The following SAP30BP variants were observed in gnomAD, a reference collection of about 807,000 sequenced individuals.
The protein encoded by SAP30BP is SAP30 binding protein, also known as SAP30-binding protein.
In SAP30BP, 31 loss-of-function variants were observed where a neutral mutation model predicts 46.3. That is an observed-to-expected ratio of 0.67 (90% confidence interval 0.50 to 0.90). The LOEUF (loss-of-function observed/expected upper bound fraction) is 0.90, where lower values mean the gene tolerates loss of function less well. Ranked by LOEUF, SAP30BP falls within the 40% of genes least tolerant of loss-of-function variation. SAP30BP has a pLI of 0.00. For synonymous variants in SAP30BP, 169 were observed against 144.2 expected (o/e 1.17, Z -1.23); for missense variants, 312 against 391.0 (o/e 0.80, Z 1.70).
intron 3 of SAP30BP, chr17:75,679,954 C>G (rs768446455): frequency 2.0e-5 from 3 of 152,238 alleles, no homozygotes; most frequent in Non-Finnish European, 4.4e-5. Context: ...CTCGTTTGCT[C>G]TGGACGGTTT....
chr17:75,682,054 G>C (rs2060084023), intron 3 of SAP30BP, among the ~76,000 whole-genome samples: 1 of 151,646 alleles, frequency 6.6e-6, no homozygotes, highest in Non-Finnish European at 1.5e-5. Context: ...AATGGACAGA[G>C]TTATTTTTTT....
intron 3 of SAP30BP, chr17:75,684,573 GC>G (rs1163536017): frequency 6.6e-6 from 1 of 152,236 alleles, no homozygotes; most frequent in Admixed American, 6.5e-5. Context: ...GAATGCCCAA[GC>G]CTACGTAGCA....
intron 7 of SAP30BP, 156 bp from the exon 8 acceptor site, chr17:75,703,652 A>G: frequency 1.4e-6 from 1 of 726,768 alleles, no homozygotes; most frequent in Non-Finnish European, 2.4e-6. Context: ...CATGTTCTTC[A>G]GCACTTGCCA....
intron 3 of SAP30BP, among the ~76,000 whole-genome samples, chr17:75,688,928 A>G (rs565319894): frequency 3.0e-4 from 45 of 152,084 alleles, no homozygotes; most frequent in African/African-American, 9.9e-4. Context: ...TGAGATCACT[A>G]TTCTTCTCCA....
chr17:75,707,411 G>A lies in SAP30BP; in HGVS notation c.*890G>A, dbSNP rs950228484. The A allele has an allele frequency of 2.6e-5, 4 of 152,672 alleles. No homozygotes were observed. The highest frequency in any genetic ancestry group is 9.7e-5 in the African/African-American group (4 of 41,444). 9.5% of individuals were successfully genotyped at this position (152,672 alleles called of 1,614,324 possible). ...CACCAGTGGCCACTGGGCTCCCCCC[G>A]GGGTTGAAACGGGTTTCCCAGACCA... On this transcript the variant is annotated 3_prime_UTR_variant, in exon 11 of 11. Coordinates refer to ENST00000584667, the MANE Select transcript of SAP30BP (RefSeq NM_013260.8).
At chr17:75,693,783 A>T (rs1305097124) in intron 4 of SAP30BP, among the ~76,000 whole-genome samples, 1 of 152,092 alleles carries the variant, frequency 6.6e-6, no homozygotes, top group East Asian at 1.9e-4. Flanking sequence ...TGCTTCCCCT[A>T]GTGCCCTGGG....
Position 75,677,606 on chromosome 17 carries a change from A to ATT in SAP30BP, c.264+5761_264+5762dup, listed in dbSNP as rs36026460. Among the ~76,000 whole-genome samples the ATT allele has an allele frequency of 9.4e-4, 103 of 109,682 alleles. 2 individuals carry two copies. Among genetic ancestry groups the ATT allele is most frequent in the Admixed American group, 1.8e-3 (19 of 10,742 alleles). The allele number at this position is 109,682 out of a possible 152,430, so 72.0% of individuals were successfully genotyped here. Reference sequence around the variant, plus strand: ...ACCACCGTGCCTGACTAATTTTTGTATTTTTTTTTTTTTTTTTTTGGTAGA... The same window carrying ATT: ...ACCACCGTGCCTGACTAATTTTTGTATTTTTTTTTTTTTTTTTTTTTGGTAGA... On this transcript the variant is annotated intron_variant, in intron 3 of 10. Transcript: ENST00000584667.
At chr17:75,693,398 G>GAGC (rs1568315539) in intron 3 of SAP30BP, 42 bp from the exon 4 acceptor site, 2 of 1,577,868 alleles carry the variant, frequency 1.3e-6, no homozygotes, top group Non-Finnish European at 1.7e-6. Context: ...GCTGGTTCAG[G>GAGC]AGCCCCAGTC....
Position 75,706,275 on chromosome 17 carries a change from G to T in SAP30BP, c.746-65G>T. ...CTCCCTAGACTCCCGCTGGCCTGCA[G>T]GGGGAAGGGAAAGAGGGCACCGCTC... On this transcript the variant is annotated intron_variant, in intron 10 of 10. Transcript: ENST00000584667. The surrounding 1 kb of genome is among the most constrained non-coding windows in gnomAD (Gnocchi z 4.6). The T allele has an allele frequency of 6.4e-7, 1 of 1,567,470 alleles. No homozygotes were observed. Among genetic ancestry groups the T allele is most frequent in the Non-Finnish European group, 8.7e-7 (1 of 1,150,386 alleles).
chr17:75,704,597 T>C, intron 8 of SAP30BP, 159 bp from the exon 9 acceptor site: 3 of 660,336 alleles, frequency 4.5e-6, no homozygotes, highest in Non-Finnish European at 8.2e-6. Flanking sequence ...GCCCCTGCCC[T>C]ATGCCGACCA....
chr17:75,669,174 C>T (rs966845209), intron 2 of SAP30BP, among the ~76,000 whole-genome samples: 3 of 151,720 alleles, frequency 2.0e-5, no homozygotes, highest in African/African-American at 7.3e-5. Context: ...AACTCCTGGG[C>T]GCAAGTGATC....
intron 3 of SAP30BP, among the ~76,000 whole-genome samples, chr17:75,690,369 G>A (rs2060223804): frequency 6.6e-6 from 1 of 152,158 alleles, no homozygotes; most frequent in Non-Finnish European, 1.5e-5. Flanking sequence ...TTCAGTGGAT[G>A]GTTGTGTGTA....
intron 3 of SAP30BP, among the ~76,000 whole-genome samples, chr17:75,681,303 G>T (rs1304477331): frequency 6.6e-6 from 1 of 152,198 alleles, no homozygotes; most frequent in Non-Finnish European, 1.5e-5. Context: ...CAGAGTGGGG[G>T]CCTTGACAAG....
chr17:75,688,004 C>G (rs1206833657), intron 3 of SAP30BP, among the ~76,000 whole-genome samples: 1 of 151,278 alleles, frequency 6.6e-6, no homozygotes, highest in African/African-American at 2.4e-5. Flanking sequence ...GTGGACCAGG[C>G]TGACTATTAG....
chr17:75,699,754 T>A, intron 4 of SAP30BP, 29 bp from the exon 5 acceptor site: 8 of 1,539,192 alleles, frequency 5.2e-6, no homozygotes, highest in Non-Finnish European at 7.2e-6. Flanking sequence ...AATCCCCACC[T>A]ACAGAATTTT....
At chr17:75,679,955 T>C (rs1418427742) in intron 3 of SAP30BP, 1 of 152,284 alleles carries the variant, frequency 6.6e-6, no homozygotes, top group Non-Finnish European at 1.5e-5. Context: ...TCGTTTGCTC[T>C]GGACGGTTTC....
chr17:75,691,444 C>G, intron 3 of SAP30BP: 1 of 456,740 alleles, frequency 2.2e-6, no homozygotes, highest in Non-Finnish European at 4.4e-6. Context: ...ACACCCCACA[C>G]TCCTTTCCAT....
intron 9 of SAP30BP, chr17:75,705,733 G>A: frequency 8.4e-7 from 1 of 1,189,484 alleles, no homozygotes; most frequent in Non-Finnish European, 1.1e-6. Flanking sequence ...CTGGGCATGT[G>A]AGGTGGGGCG....
intron 3 of SAP30BP, among the ~76,000 whole-genome samples, chr17:75,687,264 A>C (rs894456291): frequency 6.6e-5 from 10 of 152,208 alleles, no homozygotes; most frequent in African/African-American, 2.4e-4. Flanking sequence ...TAAATGAATT[A>C]ACTATACAGT....
Sources: allele counts gnomAD v4.1 joint callset (sites outside exome capture counted in the v4.1 genomes callset), GRCh38; gene constraint gnomAD v4.1.1; non-coding constraint Gnocchi (gnomAD v3.1); transcripts MANE v1.5; gene names NCBI Gene and HGNC (gene_info 2026-07-23, HGNC 2026-07-21).